Variants in USP6NL observed in about 807,000 individuals in gnomAD.
The protein encoded by USP6NL is USP6 N-terminal-like protein.
Under a neutral mutation model 61.9 loss-of-function variants are expected in USP6NL, and 26 were observed. That is an observed-to-expected ratio of 0.42 (90% CI 0.31 to 0.58). The LOEUF (loss-of-function observed/expected upper bound fraction) is 0.58. Among genes scored for constraint, USP6NL ranks in the 20% least tolerant of loss-of-function variants. The probability of loss-of-function intolerance (pLI) is 0.16; values close to 1 mark genes in which losing one functional copy is unlikely to be tolerated. For missense variants in USP6NL, 1,114 were observed against 1,034.3 expected, an observed-to-expected ratio of 1.08 and a Z score of -1.06; for synonymous variants, 432 against 390.1, an observed-to-expected ratio of 1.11 and a Z score of -1.27.
chr10:11,469,723 G>C (rs916643532), intron 14 of USP6NL, among the ~76,000 whole-genome samples: 9 of 152,176 alleles, frequency 5.9e-5, no homozygotes, highest in Admixed American at 5.2e-4. Context: ...TGGAGGCCCC[G>C]CACAGTGGGG....
In USP6NL at chr10:11,591,201, T is replaced by C. The variant is rs1055802537; in HGVS notation, c.4+6430A>G. Among the ~76,000 whole-genome samples, 1 of 152,300 alleles carries C rather than the reference T, an allele frequency of 6.6e-6. No homozygotes were observed. The highest frequency in any genetic ancestry group is 6.5e-5 in the Admixed American group (1 of 15,296). ...ATAAAGAGGCCAGCCACTGGAAAAC[T>C]TACTGCTTTCAGAATGGAATTCGAA... On this transcript the variant is annotated intron_variant, in intron 2 of 14. Coordinates refer to ENST00000609104, the MANE Select transcript of USP6NL (RefSeq NM_014688.5). The surrounding 1 kb of genome is among the most constrained non-coding windows in gnomAD (Gnocchi z 4.7).
intron 6 of USP6NL, among the ~76,000 whole-genome samples, chr10:11,504,545 T>C (rs1407242137): frequency 6.6e-6 from 1 of 152,226 alleles, no homozygotes; most frequent in Non-Finnish European, 1.5e-5. Flanking sequence ...AATCACACTG[T>C]CTTCTAAAAA....
intron 2 of USP6NL, among the ~76,000 whole-genome samples, chr10:11,536,917 A>G (rs981458317): frequency 6.6e-6 from 1 of 152,236 alleles, no homozygotes; most frequent in East Asian, 1.9e-4. Flanking sequence ...ACAAGAAAAG[A>G]GACAGGTCAT....
Position 11,481,844 on chromosome 10 carries a change from T to C in USP6NL, c.1004A>G (p.Asp335Gly), listed in dbSNP as rs777892238. The change falls in exon 14 of 15, where the codon GAT becomes GGT. Residue 335 changes from aspartate (D) to glycine (G), a missense_variant. By Grantham distance (94) the Asp-to-Gly change is moderately conservative. Transcript: ENST00000609104. The surrounding 1 kb of genome is among the most constrained non-coding windows in gnomAD (Gnocchi z 4.4). ...ETLAKDFFFE[D>G]DFVIEQLQIS... ...CTGAAGTTGCTCTATCACAAAATCA[T>C]CTTCAAAGAAAAAATCCTTTGCCAG... is the stretch of plus-strand genomic sequence containing the variant. The C allele has an allele frequency of 6.2e-7, 1 of 1,613,104 alleles. No homozygotes were observed. Among genetic ancestry groups the C allele is most frequent in the South Asian group, 1.1e-5 (1 of 90,820 alleles).
At chr10:11,493,336 C>T in intron 7 of USP6NL, 108 bp from the exon 8 acceptor site, 1 of 896,742 alleles carries the variant, frequency 1.1e-6, no homozygotes, top group Non-Finnish European at 1.7e-6. Context: ...AAAAAAATCA[C>T]TCAATGGTTA....
chr10:11,599,940 C>T (rs10795868), intron 1 of USP6NL, among the ~76,000 whole-genome samples: 147,391 of 152,108 alleles, frequency 0.97, 71,490 homozygotes, highest in East Asian at 1. Flanking sequence ...ATTACAGGCG[C>T]GAGGCACCAT....
chr10:11,581,102 T>C (rs999231858), intron 2 of USP6NL, among the ~76,000 whole-genome samples: 1 of 152,160 alleles, frequency 6.6e-6, no homozygotes, highest in Non-Finnish European at 1.5e-5. Context: ...TTTTTGTCAA[T>C]ACACATCTCT....
chr10:11,518,078 C>T lies in USP6NL; in HGVS notation c.195+457G>A, dbSNP rs201478603. The stretch of plus-strand genomic sequence containing the variant: ...TACTAAAATACTGACCCACAGAAAA[C>T]GATTTTGGTTGTTGTAAGAAATTTA... On this transcript the variant is annotated intron_variant, in intron 5 of 14. Coordinates refer to ENST00000609104, the MANE Select transcript of USP6NL (RefSeq NM_014688.5). This position sits in a 1 kb window ranked among gnomAD's most constrained non-coding sequence, Gnocchi z 5.3. 6.6e-6 allele frequency among the ~76,000 whole-genome samples: 1 copy of T among 152,146 alleles called. No homozygotes were observed. The highest frequency in any genetic ancestry group is 2.4e-5 in the African/African-American group (1 of 41,430).
intron 2 of USP6NL, among the ~76,000 whole-genome samples, chr10:11,593,255 T>C (rs1466927396): frequency 1.3e-5 from 2 of 152,230 alleles, no homozygotes; most frequent in Non-Finnish European, 2.9e-5. Flanking sequence ...TAAGTGTTTT[T>C]TTGTTTTTTA....
rs1833235038 is a variant in USP6NL, at chr10:11,482,322, T to G, written c.926-400A>C. Reference sequence around the variant, plus strand: ...AAGAAGCCCCATTTTAAGTCTGTATTTCTTACTGTTTCAGAATTTCCCAGA... The same window carrying G: ...AAGAAGCCCCATTTTAAGTCTGTATGTCTTACTGTTTCAGAATTTCCCAGA... On this transcript the variant is annotated intron_variant, in intron 13 of 14. Transcript: ENST00000609104. The surrounding 1 kb of genome is among the most constrained non-coding windows in gnomAD (Gnocchi z 4.0). Among the ~76,000 whole-genome samples, 1 of 152,258 alleles carries G rather than the reference T, an allele frequency of 6.6e-6. No individual in the cohort carries two copies. Among genetic ancestry groups the G allele is most frequent in the Non-Finnish European group, 1.5e-5 (1 of 68,048 alleles).
In USP6NL at chr10:11,482,906, G is replaced by GT. The variant is rs1276959753; in HGVS notation, c.926-985dup. On this transcript the variant is annotated intron_variant, in intron 13 of 14. Coordinates refer to ENST00000609104, the MANE Select transcript of USP6NL (RefSeq NM_014688.5). The surrounding 1 kb of genome is among the most constrained non-coding windows in gnomAD (Gnocchi z 4.0). Reference sequence around the variant, plus strand: ...ATTGTATATATCTGTGGTAGACAATGTTTTGATATATGTATACACTGTGGA... The same window carrying GT: ...ATTGTATATATCTGTGGTAGACAATGTTTTTGATATATGTATACACTGTGGA... Among the ~76,000 whole-genome samples, 1 of 152,120 alleles carries GT rather than the reference G, an allele frequency of 6.6e-6. No individual in the cohort carries two copies. Among genetic ancestry groups the GT allele is most frequent in the African/African-American group, 2.4e-5 (1 of 41,396 alleles).
chr10:11,541,183 T>C (rs1289972687), intron 2 of USP6NL, among the ~76,000 whole-genome samples: 2 of 137,290 alleles, frequency 1.5e-5, no homozygotes, highest in Non-Finnish European at 3.1e-5. Flanking sequence ...TTAGGATAAC[T>C]TATATAATAA....
At position 11,582,108 on chromosome 10, in the gene USP6NL, G is replaced by A. The variant is rs369588163; in HGVS notation, c.4+15523C>T. On this transcript the variant is annotated intron_variant, in intron 2 of 14. Transcript: ENST00000609104. ...GCCTCCCGAGTAGCTGGAATTACAG[G>A]TGCCTGCCACCGCACCTGGCTAACT... Among the ~76,000 whole-genome samples, 24 of 152,304 alleles carry A rather than the reference G, an allele frequency of 1.6e-4. No individual in the cohort carries two copies. The East Asian group carries it at 3.9e-3, about 24-fold the overall frequency.
chr10:11,557,477 A>G (rs1187781446), intron 2 of USP6NL, among the ~76,000 whole-genome samples: 1 of 152,246 alleles, frequency 6.6e-6, no homozygotes. Context: ...AGCAGTGTGA[A>G]TAACATATTC....
At chr10:11,556,737 T>G (rs1836721598) in intron 2 of USP6NL, among the ~76,000 whole-genome samples, 1 of 152,194 alleles carries the variant, frequency 6.6e-6, no homozygotes. Context: ...AGGATGGACC[T>G]AGTAACACAG....
At chr10:11,604,580 T>C (rs1160525595) in intron 1 of USP6NL, among the ~76,000 whole-genome samples, 1 of 152,218 alleles carries the variant, frequency 6.6e-6, no homozygotes, top group Non-Finnish European at 1.5e-5. Flanking sequence ...AGAATAAATG[T>C]TTCCCAAGCA....
intron 2 of USP6NL, among the ~76,000 whole-genome samples, chr10:11,551,561 A>G (rs941415010): frequency 6.6e-6 from 1 of 152,226 alleles, no homozygotes; most frequent in African/African-American, 2.4e-5. Context: ...AATCACAACC[A>G]TAGTGATAAA....
chr10:11,571,066 C>T (rs539250973), intron 2 of USP6NL, among the ~76,000 whole-genome samples: 50 of 149,954 alleles, frequency 3.3e-4, no homozygotes, highest in South Asian at 8.5e-4. Context: ...TTTATAATTT[C>T]CCTCCCTCCC....
rs1401640839 is a variant in USP6NL, at chr10:11,600,323, C to T, written c.-83-2606G>A. ...GAGGCAGCCTGCCTTCCCTTGTGCT[C>T]CTACATGCAGAACAAGAAATGTATG... is the stretch of plus-strand genomic sequence containing the variant. On this transcript the variant is annotated intron_variant, in intron 1 of 14. Transcript: ENST00000609104. The surrounding 1 kb of genome is among the most constrained non-coding windows in gnomAD (Gnocchi z 4.1). Among the ~76,000 whole-genome samples the T allele has an allele frequency of 6.6e-6, 1 of 152,124 alleles. No individual in the cohort carries two copies. The highest frequency in any genetic ancestry group is 1.5e-5 in the Non-Finnish European group (1 of 68,034).
Sources: gnomAD v4.1 joint callset for allele counts (sites outside exome capture counted in the v4.1 genomes callset) on GRCh38, gnomAD v4.1.1 for gene constraint, Gnocchi (gnomAD v3.1) non-coding constraint, MANE v1.5 for transcripts, NCBI Gene and HGNC (gene_info 2026-07-23, HGNC 2026-07-21) for gene names.